SCAPER: variants seen among roughly 807,000 people sequenced by gnomAD.
The protein encoded by SCAPER is S phase cyclin A-associated protein in the endoplasmic reticulum.
Under a neutral mutation model 182.2 loss-of-function variants are expected in SCAPER, and 98 were observed. The observed-to-expected ratio is 0.54, with a 90% CI of 0.46 to 0.64. SCAPER has a LOEUF of 0.64. Ranked by LOEUF, SCAPER falls within the 30% of genes least tolerant of loss-of-function variation. The pLI is 0.00. For synonymous variants in SCAPER, 605 were observed against 564.6 expected (o/e 1.07, Z -1.01); for missense variants, 1,432 against 1,690.0 (o/e 0.85, Z 2.68).
intron 1 of SCAPER, among the ~76,000 whole-genome samples, chr15:76,891,037 T>C (rs2074134957): frequency 6.6e-6 from 1 of 152,132 alleles, no homozygotes; most frequent in Non-Finnish European, 1.5e-5. Context: ...ATAAACGTAA[T>C]CCATCAAATA....
chr15:76,844,271 G>GAAAAAAAAAAAAAAAAAA (rs34092470), intron 4 of SCAPER, among the ~76,000 whole-genome samples: 1 of 125,352 alleles, frequency 8.0e-6, no homozygotes, highest in African/African-American at 3.1e-5. Context: ...ACAGAAAGAG[G>GAAAAAAAAAAAAAAAAAA]AAAAAAAAAA....
At chr15:76,754,052 A>G (rs2062259141) in intron 14 of SCAPER, 104 bp from the exon 15 acceptor site, 1 of 1,236,992 alleles carries the variant, frequency 8.1e-7, no homozygotes, top group South Asian at 1.5e-5. Flanking sequence ...TAAGCGTGGA[A>G]AAATGTGCAG....
chr15:76,709,107 T>C (rs949944288), intron 17 of SCAPER, among the ~76,000 whole-genome samples: 3 of 152,150 alleles, frequency 2.0e-5, no homozygotes, highest in African/African-American at 7.2e-5. Flanking sequence ...CTCAAAATAC[T>C]TATAAAACAA....
chr15:76,849,890 C>G (rs1029806545), intron 4 of SCAPER, among the ~76,000 whole-genome samples: 3 of 152,136 alleles, frequency 2.0e-5, no homozygotes, highest in African/African-American at 7.2e-5. Flanking sequence ...AAAGGAGAAA[C>G]AGGCACCTTC....
At chr15:76,844,159 A>G (rs1476203895) in intron 4 of SCAPER, among the ~76,000 whole-genome samples, 4 of 151,948 alleles carry the variant, frequency 2.6e-5, no homozygotes, top group Non-Finnish European at 5.9e-5. Context: ...TTCCCAAGAC[A>G]CTCAATAGAT....
intron 30 of SCAPER, among the ~76,000 whole-genome samples, chr15:76,352,757 T>A (rs1475393819): frequency 1.3e-5 from 2 of 152,168 alleles, no homozygotes; most frequent in African/African-American, 2.4e-5. Flanking sequence ...GTCCATAATG[T>A]ATTTTCTATT....
At chr15:76,859,741 TG>T (rs1402240791) in intron 3 of SCAPER, among the ~76,000 whole-genome samples, 2 of 152,174 alleles carry the variant, frequency 1.3e-5, no homozygotes, top group African/African-American at 4.8e-5. Context: ...TGTTTTGTTT[TG>T]TTTTTTTGAG....
intron 23 of SCAPER, among the ~76,000 whole-genome samples, chr15:76,545,872 A>C (rs1265393769): frequency 1.3e-5 from 2 of 152,170 alleles, no homozygotes; most frequent in Non-Finnish European, 2.9e-5. Context: ...TCTACTGCTG[A>C]TATTAAGTCA....
At chr15:76,791,279 G>T (rs1247022203) in intron 8 of SCAPER, among the ~76,000 whole-genome samples, 1 of 152,158 alleles carries the variant, frequency 6.6e-6, no homozygotes, top group African/African-American at 2.4e-5. Context: ...CCACAGTGAA[G>T]GAGCTTGTGC....
intron 27 of SCAPER, among the ~76,000 whole-genome samples, chr15:76,391,171 T>C (rs574226856): frequency 1.9e-4 from 29 of 152,288 alleles, no homozygotes; most frequent in African/African-American, 5.5e-4. Context: ...GGTCTTGCCA[T>C]TCTTCTCAAC....
intron 20 of SCAPER, among the ~76,000 whole-genome samples, chr15:76,697,303 A>C (rs1365711735): frequency 6.6e-6 from 1 of 152,212 alleles, no homozygotes; most frequent in South Asian, 2.1e-4. Flanking sequence ...TTCAGGAAGA[A>C]GAGGCTATAA....
At chr15:76,399,748 T>A (rs2044325831) in intron 27 of SCAPER, among the ~76,000 whole-genome samples, 1 of 152,156 alleles carries the variant, frequency 6.6e-6, no homozygotes, top group Non-Finnish European at 1.5e-5. Flanking sequence ...CTCAGGCCTA[T>A]AATCCTAACA....
At chr15:76,512,954 T>G (rs2042159667) in intron 23 of SCAPER, among the ~76,000 whole-genome samples, 1 of 152,032 alleles carries the variant, frequency 6.6e-6, no homozygotes, top group South Asian at 2.1e-4. Context: ...AGATTCTGGT[T>G]ATGTGTACTT....
At chr15:76,481,815 A>G (rs907652049) in intron 24 of SCAPER, among the ~76,000 whole-genome samples, 1 of 152,214 alleles carries the variant, frequency 6.6e-6, no homozygotes, top group African/African-American at 2.4e-5. Context: ...TACTTTTAAC[A>G]AAGCCTTTCA....
At chr15:76,865,422 T>C (rs575930707) in intron 2 of SCAPER, among the ~76,000 whole-genome samples, 2 of 152,256 alleles carry the variant, frequency 1.3e-5, no homozygotes, top group East Asian at 3.9e-4. Context: ...AGTGGTATAG[T>C]AGGGTCAAAA....
At chr15:76,464,817 A>G (rs772760491) in intron 25 of SCAPER, among the ~76,000 whole-genome samples, 5 of 151,982 alleles carry the variant, frequency 3.3e-5, no homozygotes, top group Non-Finnish European at 2.9e-5. Flanking sequence ...TTTTTTTAGG[A>G]ACTTCCATAC....
At chr15:76,796,270 T>G (rs1426597413) in intron 7 of SCAPER, among the ~76,000 whole-genome samples, 1 of 152,110 alleles carries the variant, frequency 6.6e-6, no homozygotes, top group African/African-American at 2.4e-5. Context: ...TCCTTAACCT[T>G]AATAATATTT....
chr15:76,496,304 CT>C (rs1403661545), intron 24 of SCAPER, among the ~76,000 whole-genome samples: 1 of 151,770 alleles, frequency 6.6e-6, no homozygotes, highest in Non-Finnish European at 1.5e-5. Flanking sequence ...AAGAAATACA[CT>C]TTTCAGTTGT....
intron 15 of SCAPER, among the ~76,000 whole-genome samples, chr15:76,750,444 T>C (rs1440864350): frequency 6.6e-6 from 1 of 151,862 alleles, no homozygotes; most frequent in African/African-American, 2.4e-5. Context: ...CGGGCCAGCA[T>C]TACCCTGATA....
Sources: gnomAD v4.1 joint callset for allele counts (sites outside exome capture counted in the v4.1 genomes callset) on GRCh38, gnomAD v4.1.1 for gene constraint, MANE v1.5 for transcripts, NCBI Gene and HGNC (gene_info 2026-07-23, HGNC 2026-07-21) for gene names.